The following ZKSCAN5 variants were observed in gnomAD, a reference collection of about 807,000 sequenced individuals.
ZKSCAN5 encodes zinc finger with KRAB and SCAN domains 5.
A neutral mutation model predicts 60.0 loss-of-function variants in ZKSCAN5; 28 were observed. That is an observed-to-expected ratio of 0.47 (90% CI 0.35 to 0.64). The LOEUF (loss-of-function observed/expected upper bound fraction) is 0.64. Ranked by LOEUF, ZKSCAN5 falls within the 30% of genes least tolerant of loss-of-function variation. ZKSCAN5 has a pLI of 0.01. For synonymous variants in ZKSCAN5, 361 were observed against 371.2 expected (o/e 0.97, Z 0.31); for missense variants, 881 against 1,034.6 (o/e 0.85, Z 2.04).
chr7:99,504,686 G>A lies in ZKSCAN5; in HGVS notation c.-88G>A, dbSNP rs1275418284. ...CAGCTGGCCCCTGCGACTCGCGGGT[G>A]TGACGTTGAAGATGTCGGCCTTCTG... On this transcript the variant is annotated 5_prime_UTR_variant, in exon 1 of 7. It adds an upstream start codon to the 5' untranslated region. Coordinates refer to ENST00000326775, the MANE Select transcript of ZKSCAN5 (RefSeq NM_145102.4). The A allele has an allele frequency of 6.6e-6, 1 of 152,434 alleles. No individual in the cohort carries two copies. The highest frequency in any genetic ancestry group is 2.1e-4 in the South Asian group (1 of 4,838). The allele number at this position is 152,434 out of a possible 1,614,324, so 9.4% of individuals were successfully genotyped here.
chr7:99,513,289 A>G (rs1177718161), intron 3 of ZKSCAN5, among the ~76,000 whole-genome samples: 1 of 152,100 alleles, frequency 6.6e-6, no homozygotes, highest in Non-Finnish European at 1.5e-5. Context: ...CAGTTTCATT[A>G]AAAACCTACA....
intron 2 of ZKSCAN5, among the ~76,000 whole-genome samples, chr7:99,511,075 A>G (rs1801000514): frequency 6.6e-6 from 1 of 152,170 alleles, no homozygotes; most frequent in African/African-American, 2.4e-5. Flanking sequence ...CTCCTGCACC[A>G]CATTTTGCCA....
Position 99,525,222 on chromosome 7 carries a change from A to G in ZKSCAN5, c.773-591A>G, listed in dbSNP as rs552131733. 5.9e-5 allele frequency among the ~76,000 whole-genome samples: 9 copies of G among 151,954 alleles called. No individual in the cohort carries two copies. In the South Asian group the frequency reaches 1.7e-3, roughly 28 times the overall value. On this transcript the variant is annotated intron_variant, in intron 5 of 6. Coordinates refer to ENST00000326775, the MANE Select transcript of ZKSCAN5 (RefSeq NM_145102.4). ...CGCGTTGGCTCACGTCTGTAATCCCAGCACTTTGGGAAGCTGAGGTGGGAG... is the reference window on the plus strand; with the variant it reads ...CGCGTTGGCTCACGTCTGTAATCCCGGCACTTTGGGAAGCTGAGGTGGGAG...
intron 3 of ZKSCAN5, among the ~76,000 whole-genome samples, chr7:99,514,085 A>G (rs1199643791): frequency 6.6e-6 from 1 of 152,146 alleles, no homozygotes; most frequent in Non-Finnish European, 1.5e-5. Context: ...CTTTTAGCAA[A>G]TTTAGTCCTT....
chr7:99,506,827 C>T (rs991270702), intron 2 of ZKSCAN5, among the ~76,000 whole-genome samples: 20 of 151,462 alleles, frequency 1.3e-4, no homozygotes, highest in African/African-American at 4.6e-4. Context: ...GGACTGCAGG[C>T]GTCCGCCACC....
intron 2 of ZKSCAN5, among the ~76,000 whole-genome samples, chr7:99,508,160 G>A (rs1388833130): frequency 2.0e-5 from 3 of 151,920 alleles, no homozygotes; most frequent in Non-Finnish European, 2.9e-5. Flanking sequence ...TTAGCCGGGC[G>A]TGGTGGCACG....
At chr7:99,523,243 G>A (rs1055451945) in intron 5 of ZKSCAN5, among the ~76,000 whole-genome samples, 6 of 151,660 alleles carry the variant, frequency 4.0e-5, no homozygotes, top group Admixed American at 4.0e-4. Flanking sequence ...GGAAGGTATG[G>A]TGAGATCTGG....
At chr7:99,516,307 G>A (rs543681262) in intron 3 of ZKSCAN5, among the ~76,000 whole-genome samples, 3 of 152,028 alleles carry the variant, frequency 2.0e-5, no homozygotes, top group Non-Finnish European at 2.9e-5. Context: ...GATCCTAGCC[G>A]GTTTATTTTA....
chr7:99,526,057 C>T lies in ZKSCAN5; in HGVS notation c.1017C>T (p.Ser339=), dbSNP rs533876645. 6.2e-7 allele frequency: 1 copy of T among 1,614,198 alleles called. No homozygotes were observed. The highest frequency in any genetic ancestry group is 2.2e-5 in the East Asian group (1 of 44,878). The part of the protein sequence containing the change: ...DAITDISPKQ[S]THGERGHRCS... ...TCACAGACATCAGCCCTAAGCAAAG[C>T]ACACATGGCGAGAGAGGGCACAGAT... Residue 339 remains serine, a synonymous_variant, in exon 6 of 7, where the codon AGC becomes AGT. Coordinates refer to ENST00000326775, the MANE Select transcript of ZKSCAN5 (RefSeq NM_145102.4).
chr7:99,516,744 T>C (rs915338492), intron 3 of ZKSCAN5, among the ~76,000 whole-genome samples: 4 of 152,134 alleles, frequency 2.6e-5, no homozygotes, highest in Admixed American at 2.0e-4. Context: ...GAAAGCACCC[T>C]GTCTCCCCGA....
chr7:99,509,283 C>T (rs1016514382), intron 2 of ZKSCAN5, among the ~76,000 whole-genome samples: 3 of 152,166 alleles, frequency 2.0e-5, no homozygotes, highest in Admixed American at 6.6e-5. Context: ...GCCACATGCC[C>T]GGCTTAATTT....
intron 3 of ZKSCAN5, among the ~76,000 whole-genome samples, chr7:99,515,501 G>T (rs1801224415): frequency 6.6e-6 from 1 of 152,196 alleles, no homozygotes; most frequent in Non-Finnish European, 1.5e-5. Context: ...CCTTCCAGTA[G>T]CTCAGTGGAA....
At chr7:99,526,499 A>G (rs1048147882) in intron 6 of ZKSCAN5, 81 bp downstream of exon 6, 3 of 1,515,728 alleles carry the variant, frequency 2.0e-6, no homozygotes, top group Non-Finnish European at 2.6e-6. Context: ...ACAACAGGAC[A>G]GATGGGTGGT....
chr7:99,508,556 C>T lies in ZKSCAN5; in HGVS notation c.414+2098C>T, dbSNP rs181708475. Reference sequence around the variant, plus strand: ...ATCATGGGGTCAGATCAAGACCATCCGGGCCAACATGGTGAAACCCCGTCT... The same window carrying T: ...ATCATGGGGTCAGATCAAGACCATCTGGGCCAACATGGTGAAACCCCGTCT... On this transcript the variant is annotated intron_variant, in intron 2 of 6. Coordinates refer to ENST00000326775, the MANE Select transcript of ZKSCAN5 (RefSeq NM_145102.4). 2.9e-3 allele frequency among the ~76,000 whole-genome samples: 438 copies of T among 151,896 alleles called. 1 individual carries two copies. Among genetic ancestry groups the T allele is most frequent in the African/African-American group, 0.01 (422 of 41,482 alleles).
chr7:99,531,119 A>C lies in ZKSCAN5; in HGVS notation c.1390A>C (p.Arg464=). ...REKSQRCSDK[R]SKNTKLSVKK... ...TTTATTTTTTTTAGGCAGTGACAAA[A>C]GAAGTAAGAACACAAAATTAAGTGT... Residue 464 remains arginine (R), a synonymous_variant, in exon 7 of 7, where the codon AGA becomes CGA. Coordinates refer to ENST00000326775, the MANE Select transcript of ZKSCAN5 (RefSeq NM_145102.4). 1 of 1,577,324 alleles carries C rather than the reference A, an allele frequency of 6.3e-7. No individual in the cohort carries two copies. The highest frequency in any genetic ancestry group is 2.0e-5 in the Admixed American group (1 of 49,672).
intron 2 of ZKSCAN5, among the ~76,000 whole-genome samples, chr7:99,506,774 C>G (rs967420690): frequency 2.6e-5 from 4 of 152,150 alleles, no homozygotes; most frequent in African/African-American, 9.7e-5. Flanking sequence ...GCTCCGCCTC[C>G]CGGGTTCACG....
Position 99,520,469 on chromosome 7 carries a change from T to C in ZKSCAN5, c.772+165T>C, listed in dbSNP as rs866361067. ...ATCAGCCTTCATTTTTTTTTTCTTA[T>C]TCAGTTTATTCTGATCATTTCCATC... On this transcript the variant is annotated intron_variant, in intron 5 of 6. Coordinates refer to ENST00000326775, the MANE Select transcript of ZKSCAN5 (RefSeq NM_145102.4). Among the ~76,000 whole-genome samples, 7 of 151,852 alleles carry C rather than the reference T, an allele frequency of 4.6e-5. No homozygotes were observed. In the Middle Eastern group the frequency reaches 0.01, roughly 223 times the overall value.
chr7:99,518,224 G>A (rs55894062), intron 3 of ZKSCAN5, among the ~76,000 whole-genome samples: 11 of 151,878 alleles, frequency 7.2e-5, no homozygotes, highest in Non-Finnish European at 1.0e-4. Context: ...AGTTTGAGAC[G>A]ATCCTGGACA....
At chr7:99,522,305 G>A (rs563582622) in intron 5 of ZKSCAN5, among the ~76,000 whole-genome samples, 8 of 152,234 alleles carry the variant, frequency 5.3e-5, no homozygotes, top group South Asian at 4.1e-4. Context: ...AGCAGTTTCC[G>A]TGGAGTGGCA....
Sources: allele counts gnomAD v4.1 joint callset (sites outside exome capture counted in the v4.1 genomes callset), GRCh38; gene constraint gnomAD v4.1.1; transcripts MANE v1.5; gene names NCBI Gene and HGNC (gene_info 2026-07-23, HGNC 2026-07-21).